The following DPYD variants were observed in gnomAD, a reference collection of about 807,000 sequenced individuals.
The protein encoded by DPYD is dihydropyrimidine dehydrogenase [NADP(+)].
Under a neutral mutation model 116.2 loss-of-function variants are expected in DPYD, and 109 were observed. The ratio of observed to expected loss-of-function variants is 0.94; its 90% confidence interval spans 0.80 to 1.10. The LOEUF (loss-of-function observed/expected upper bound fraction) is 1.10. Ranked by LOEUF, DPYD falls within the 50% of genes least tolerant of loss-of-function variation. DPYD has a pLI of 0.00. For synonymous variants in DPYD, 440 were observed against 432.0 expected (o/e 1.02, Z -0.23); for missense variants, 1,302 against 1,254.5 (o/e 1.04, Z -0.57).
chr1:97,563,987 T>C (rs1389362433), intron 11 of DPYD, among the ~76,000 whole-genome samples: 2 of 152,138 alleles, frequency 1.3e-5, no homozygotes, highest in East Asian at 1.9e-4. Context: ...CAAGCAAAAA[T>C]ACTTCTGATA....
At chr1:97,836,149 C>G (rs934951923) in intron 2 of DPYD, among the ~76,000 whole-genome samples, 12 of 152,130 alleles carry the variant, frequency 7.9e-5, no homozygotes, top group African/African-American at 2.9e-4. Context: ...ATGAGGAAAA[C>G]TTTGGTATCA....
rs1648891917 is a variant in DPYD at position 97,077,773 on chromosome 1, A to G, written c.*1203T>C. Reference sequence around the variant, plus strand: ...AATGCTTTATGATATTTTATTTGATATTATTCAGTAATACAGGTTTTGTGG... The same window carrying G: ...AATGCTTTATGATATTTTATTTGATGTTATTCAGTAATACAGGTTTTGTGG... On this transcript the variant is annotated 3_prime_UTR_variant, in exon 23 of 23. Transcript: ENST00000370192. 3 of 152,186 alleles carry G rather than the reference A, an allele frequency of 2.0e-5. 1 individual carries two copies. The South Asian group carries it at 6.2e-4, about 31-fold the overall frequency. The allele number at this position is 152,186 out of a possible 1,614,324, so 9.4% of individuals were successfully genotyped here.
chr1:97,754,838 A>G (rs1471316325), intron 3 of DPYD, among the ~76,000 whole-genome samples: 1 of 152,210 alleles, frequency 6.6e-6, no homozygotes, highest in Non-Finnish European at 1.5e-5. Flanking sequence ...GTTCAGAGGT[A>G]CATTCATTTG....
At chr1:97,717,011 T>C (rs977693012) in intron 5 of DPYD, among the ~76,000 whole-genome samples, 2 of 152,070 alleles carry the variant, frequency 1.3e-5, no homozygotes, top group African/African-American at 2.4e-5. Context: ...ATGCATACAA[T>C]GTGTAATGAT....
intron 3 of DPYD, among the ~76,000 whole-genome samples, chr1:97,748,522 T>A (rs1243151436): frequency 2.6e-5 from 4 of 152,078 alleles, no homozygotes; most frequent in Admixed American, 6.5e-5. Context: ...GGCAGGAGAA[T>A]CACTTGAACC....
intron 3 of DPYD, among the ~76,000 whole-genome samples, chr1:97,819,919 A>G (rs1668828752): frequency 6.6e-6 from 1 of 152,136 alleles, no homozygotes; most frequent in African/African-American, 2.4e-5. Context: ...TAATATCTAT[A>G]TAATACATAC....
At chr1:97,788,638 A>C (rs1667165883) in intron 3 of DPYD, among the ~76,000 whole-genome samples, 1 of 152,304 alleles carries the variant, frequency 6.6e-6, no homozygotes, top group East Asian at 1.9e-4. Context: ...TTGATAACTA[A>C]CATGAAGTGA....
Position 97,643,783 on chromosome 1 carries a change from G to A in DPYD, c.850+35312C>T, listed in dbSNP as rs112742403. 6.2e-3 allele frequency among the ~76,000 whole-genome samples: 950 copies of A among 152,232 alleles called. 14 individuals carry two copies. The highest frequency in any genetic ancestry group is 0.022 in the African/African-American group (906 of 41,538). ...AAAGGATGAGTTCATGTCCTTTGCA[G>A]GGACATGGATGAAGCTGGAAACCAT... On this transcript the variant is annotated intron_variant, in intron 8 of 22. Coordinates refer to ENST00000370192, the MANE Select transcript of DPYD (RefSeq NM_000110.4).
At chr1:97,300,575 G>A (rs953878290) in intron 18 of DPYD, among the ~76,000 whole-genome samples, 5 of 152,040 alleles carry the variant, frequency 3.3e-5, no homozygotes, top group African/African-American at 7.2e-5. Context: ...GCTGGCATGC[G>A]TGAAAATAGT....
At chr1:97,835,915 C>G (rs75154502) in intron 2 of DPYD, among the ~76,000 whole-genome samples, 2 of 152,200 alleles carry the variant, frequency 1.3e-5, no homozygotes, top group East Asian at 3.9e-4. Flanking sequence ...ACCAGGGAAG[C>G]CTGCTCACCT....
intron 13 of DPYD, among the ~76,000 whole-genome samples, chr1:97,468,541 A>G (rs1677457080): frequency 6.6e-6 from 1 of 152,228 alleles, no homozygotes; most frequent in African/African-American, 2.4e-5. Context: ...CGTTAAACTT[A>G]GACTTCTCAA....
intron 16 of DPYD, among the ~76,000 whole-genome samples, chr1:97,318,382 G>T (rs985172859): frequency 1.4e-5 from 2 of 138,090 alleles, no homozygotes; most frequent in Non-Finnish European, 3.3e-5. Flanking sequence ...AAGGATGGAG[G>T]AAGATCTACC....
chr1:97,318,567 C>A (rs1236884209), intron 16 of DPYD, among the ~76,000 whole-genome samples: 3 of 151,782 alleles, frequency 2.0e-5, no homozygotes, highest in Non-Finnish European at 2.9e-5. Context: ...ACAGGAGCAC[C>A]CAGATTCATA....
At chr1:97,771,055 T>C (rs1302214289) in intron 3 of DPYD, among the ~76,000 whole-genome samples, 15 of 152,156 alleles carry the variant, frequency 9.9e-5, no homozygotes, top group Admixed American at 9.2e-4. Context: ...CAGTGGCTTA[T>C]GCCTGTAATC....
At chr1:97,456,206 A>G (rs575915318) in intron 13 of DPYD, among the ~76,000 whole-genome samples, 106 of 152,046 alleles carry the variant, frequency 7.0e-4, no homozygotes, top group Non-Finnish European at 1.2e-3. Flanking sequence ...TGACCTCTTA[A>G]CATTTAATAT....
In DPYD at chr1:97,335,299, T is replaced by TACACACAC. The variant is rs35371362; in HGVS notation, c.2059-29010_2059-29003dup. ...CATCACAATCATTTATGGAGTTAAG[T>TACACACAC]ACACACACACACACACACACACACA... On this transcript the variant is annotated intron_variant, in intron 16 of 22. Transcript: ENST00000370192. 5.5e-3 allele frequency among the ~76,000 whole-genome samples: 753 copies of TACACACAC among 136,304 alleles called. 11 individuals are homozygous for TACACACAC. The highest frequency in any genetic ancestry group is 0.016 in the African/African-American group (573 of 35,916). The allele number at this position is 136,304 out of a possible 152,430, so 89.4% of individuals were successfully genotyped here.
intron 16 of DPYD, among the ~76,000 whole-genome samples, chr1:97,321,226 T>A (rs1668239813): frequency 4.6e-5 from 4 of 87,020 alleles, no homozygotes; most frequent in Admixed American, 1.4e-4. Flanking sequence ...AAGCCAAAAT[T>A]GACAAATGGG....
At chr1:97,664,490 G>A (rs768998489) in intron 8 of DPYD, among the ~76,000 whole-genome samples, 15 of 151,650 alleles carry the variant, frequency 9.9e-5, no homozygotes, top group Admixed American at 2.0e-4. Context: ...GCATAATTAA[G>A]TAAAACACAC....
At position 97,804,237 on chromosome 1, in the gene DPYD, G is replaced by A. The variant is rs145816195; in HGVS notation, c.233+23877C>T. Among the ~76,000 whole-genome samples, 763 of 151,770 alleles carry A rather than the reference G, an allele frequency of 5.0e-3. 7 individuals are homozygous for A. Among genetic ancestry groups the A allele is most frequent in the African/African-American group, 0.017 (706 of 41,488 alleles). On this transcript the variant is annotated intron_variant, in intron 3 of 22. Transcript: ENST00000370192. ...CAATTTAGAAATTTATATAAATAAT[G>A]CCTGTTCTTTATGTATTATCACCAC... is the stretch of plus-strand genomic sequence containing the variant.
Sources: allele counts gnomAD v4.1 joint callset (sites outside exome capture counted in the v4.1 genomes callset), GRCh38; gene constraint gnomAD v4.1.1; transcripts MANE v1.5; gene names NCBI Gene and HGNC (gene_info 2026-07-23, HGNC 2026-07-21).